SGK1: variants seen among roughly 807,000 people sequenced by gnomAD.
SGK1 encodes the protein serum/glucocorticoid regulated kinase 1.
Under a neutral mutation model 64.2 loss-of-function variants are expected in SGK1, and 26 were observed. The ratio of observed to expected loss-of-function variants is 0.40; its 90% CI spans 0.30 to 0.56. SGK1 has a LOEUF of 0.56. Ranked by LOEUF, SGK1 falls within the 20% of genes least tolerant of loss-of-function variation. The pLI, the probability that SGK1 is intolerant of heterozygous loss-of-function variation, is 0.38. For synonymous variants in SGK1, 265 were observed against 239.7 expected (o/e 1.11, Z -0.98); for missense variants, 519 against 645.6 (o/e 0.80, Z 2.12).
intron 3 of SGK1, among the ~76,000 whole-genome samples, chr6:134,181,352 CT>C (rs1334546070): frequency 6.6e-6 from 1 of 151,790 alleles, no homozygotes; most frequent in Non-Finnish European, 1.5e-5. Flanking sequence ...CTTTCTTTTT[CT>C]TTTTTTGAGA....
chr6:134,176,132 G>A (rs1332837940), intron 3 of SGK1: 2 of 296,220 alleles, frequency 6.8e-6, no homozygotes, highest in South Asian at 1.3e-4. Flanking sequence ...AGCTTTGCCC[G>A]GGGGCAGACC....
chr6:134,294,093 A>G (rs1368237580), intron 1 of SGK1, among the ~76,000 whole-genome samples: 3 of 152,224 alleles, frequency 2.0e-5, no homozygotes, highest in Non-Finnish European at 4.4e-5. Context: ...GAGCAAAAAC[A>G]ACAGCAAAGA....
intron 2 of SGK1, among the ~76,000 whole-genome samples, chr6:134,241,765 C>G (rs570605824): frequency 6.6e-6 from 1 of 152,052 alleles, no homozygotes; most frequent in Non-Finnish European, 1.5e-5. Flanking sequence ...GGACTACAGG[C>G]GCCCGCCACC....
At chr6:134,202,341 A>G (rs1292753539) in intron 3 of SGK1, among the ~76,000 whole-genome samples, 1 of 152,176 alleles carries the variant, frequency 6.6e-6, no homozygotes, top group East Asian at 1.9e-4. Context: ...TTTCACTGCC[A>G]GAAGACTTAT....
At chr6:134,186,070 T>A (rs1273232832) in intron 3 of SGK1, among the ~76,000 whole-genome samples, 1 of 152,176 alleles carries the variant, frequency 6.6e-6, no homozygotes, top group Non-Finnish European at 1.5e-5. Context: ...AAAATAATGC[T>A]TTGCCAGTTC....
chr6:134,215,634 A>C (rs1562253790), intron 2 of SGK1, among the ~76,000 whole-genome samples: 1 of 151,940 alleles, frequency 6.6e-6, no homozygotes, highest in South Asian at 2.1e-4. Flanking sequence ...TAATCCCAGC[A>C]CTGTGGGAGG....
At chr6:134,219,552 G>A (rs1776046426) in intron 2 of SGK1, among the ~76,000 whole-genome samples, 1 of 151,104 alleles carries the variant, frequency 6.6e-6, no homozygotes, top group Non-Finnish European at 1.5e-5. Flanking sequence ...CCTGAGGTTG[G>A]GAGTTCGAGA....
At chr6:134,305,363 CAAAAA>C (rs34637536) in intron 1 of SGK1, among the ~76,000 whole-genome samples, 1 of 65,644 alleles carries the variant, frequency 1.5e-5, no homozygotes, top group Non-Finnish European at 2.7e-5. Context: ...TACTTCATCT[CAAAAA>C]AAAAAAAAAA....
At chr6:134,279,431 A>AAAATAAATAAATAAATAAATAAATAAAT (rs142061179) in intron 1 of SGK1, among the ~76,000 whole-genome samples, 64 of 148,124 alleles carry the variant, frequency 4.3e-4, no homozygotes, top group Non-Finnish European at 5.9e-4. Context: ...ATCCTGTCTC[A>AAAATAAATAAATAAATAAATAAATAAAT]AAATAAATAA....
At chr6:134,185,197 A>G (rs1031838304) in intron 3 of SGK1, among the ~76,000 whole-genome samples, 13 of 152,214 alleles carry the variant, frequency 8.5e-5, no homozygotes, top group African/African-American at 2.9e-4. Context: ...AGAACTTTAG[A>G]ACTTTTCTTC....
intron 2 of SGK1, among the ~76,000 whole-genome samples, chr6:134,237,293 G>A (rs937793815): frequency 2.6e-5 from 4 of 151,798 alleles, no homozygotes; most frequent in African/African-American, 9.7e-5. Context: ...CTGAGCCCAG[G>A]TGATCTACCC....
At chr6:134,182,859 T>C (rs1192425792) in intron 3 of SGK1, among the ~76,000 whole-genome samples, 1 of 152,208 alleles carries the variant, frequency 6.6e-6, no homozygotes, top group Non-Finnish European at 1.5e-5. Context: ...CCATGATTAC[T>C]GAATAAAGAC....
At position 134,289,553 on chromosome 6, in the gene SGK1, A is replaced by G. The variant is rs980254293; in HGVS notation, c.70-27405T>C. 2.6e-5 allele frequency among the ~76,000 whole-genome samples: 4 copies of G among 152,362 alleles called. No individual in the cohort carries two copies. The South Asian group carries it at 8.3e-4, about 32-fold the overall frequency. Reference sequence around the variant, plus strand: ...AACTCAATGTACCCCCAACATTATCATTCTAAATTGTACTTAATATAAAAT... The same window carrying G: ...AACTCAATGTACCCCCAACATTATCGTTCTAAATTGTACTTAATATAAAAT... On this transcript the variant is annotated intron_variant, in intron 1 of 13. Coordinates refer to ENST00000367858, the MANE Select transcript of SGK1 (RefSeq NM_001143676.3).
intron 2 of SGK1, among the ~76,000 whole-genome samples, chr6:134,240,678 G>C (rs553748699): frequency 6.6e-6 from 1 of 152,312 alleles, no homozygotes; most frequent in African/African-American, 2.4e-5. Context: ...TATATTAGTT[G>C]TCATTATTCC....
chr6:134,206,812 A>G (rs1775794000), intron 3 of SGK1, among the ~76,000 whole-genome samples: 1 of 149,708 alleles, frequency 6.7e-6, no homozygotes, highest in African/African-American at 2.5e-5. Flanking sequence ...GGTTGCAGTG[A>G]GCCGAGATCG....
At chr6:134,261,281 T>C (rs1445247607) in intron 2 of SGK1, 1 of 153,148 alleles carries the variant, frequency 6.5e-6, no homozygotes, top group African/African-American at 2.4e-5. Flanking sequence ...TAGATGACTA[T>C]TACAATCGTT....
chr6:134,274,185 A>G (rs1776985096), intron 1 of SGK1, among the ~76,000 whole-genome samples: 1 of 151,890 alleles, frequency 6.6e-6, no homozygotes, highest in African/African-American at 2.4e-5. Context: ...TTGTATTTTT[A>G]GTAGAGATGG....
chr6:134,221,039 C>T (rs1776083808), intron 2 of SGK1, among the ~76,000 whole-genome samples: 1 of 151,106 alleles, frequency 6.6e-6, no homozygotes, highest in African/African-American at 2.4e-5. Context: ...CGCAGTGGCT[C>T]ATGCCTGTAA....
chr6:134,284,492 T>TTTC (rs1777148306), intron 1 of SGK1, among the ~76,000 whole-genome samples: 1 of 48,480 alleles, frequency 2.1e-5, no homozygotes, highest in Non-Finnish European at 4.3e-5. Flanking sequence ...TCTTTCTTTC[T>TTTC]TTTTTTTTTT....
Sources: allele counts gnomAD v4.1 joint callset (sites outside exome capture counted in the v4.1 genomes callset), GRCh38; gene constraint gnomAD v4.1.1; transcripts MANE v1.5; gene names NCBI Gene and HGNC (gene_info 2026-07-23, HGNC 2026-07-21).